Variants in TMCO4 observed in about 807,000 individuals in gnomAD.
TMCO4 encodes the protein transmembrane and coiled-coil domains 4, also known as transmembrane and coiled-coil domain-containing protein 4.
In TMCO4, 58 loss-of-function variants were observed where a neutral mutation model predicts 64.7. The observed-to-expected ratio is 0.90, with a 90% CI of 0.73 to 1.12. TMCO4 has a LOEUF of 1.12. TMCO4 is among the 50% of genes most tolerant of loss of function. The pLI, the probability that TMCO4 is intolerant of heterozygous loss-of-function variation, is 0.00. For missense variants in TMCO4, 780 were observed against 825.9 expected (o/e 0.94, Z 0.68); for synonymous variants, 325 against 346.1 (o/e 0.94, Z 0.68).
chr1:19,700,124 A>G (rs575292542), intron 14 of TMCO4, among the ~76,000 whole-genome samples: 1 of 152,148 alleles, frequency 6.6e-6, no homozygotes, highest in South Asian at 2.1e-4. Context: ...TCCTGCCCCA[A>G]AGTCTGAGTC....
chr1:19,705,264 A>C (rs892360954), intron 13 of TMCO4, among the ~76,000 whole-genome samples: 5 of 152,252 alleles, frequency 3.3e-5, no homozygotes, highest in Non-Finnish European at 4.4e-5. Flanking sequence ...CAGCCTGGCC[A>C]ACATGGCAAA....
At position 19,745,572 on chromosome 1, in the gene TMCO4, G is replaced by A. The variant is rs1557554593; in HGVS notation, c.837C>T (p.Ile279=). 6.2e-7 allele frequency: 1 copy of A among 1,614,158 alleles called. No homozygotes were observed. Among genetic ancestry groups the A allele is most frequent in the Admixed American group, 1.7e-5 (1 of 60,016 alleles). The change falls in exon 10 of 16, where the codon ATC becomes ATT. Residue 279 remains isoleucine (I), a synonymous_variant. Transcript: ENST00000294543. ...LPLTEGRQLH[I]TIAVTGWLAS... ...CGAGCCACCCCGTGACGGCGATGGT[G>A]ATGTGCAGCTGCCTGCCCTCCGTCA...
chr1:19,786,663 T>A (rs536906805), intron 3 of TMCO4, among the ~76,000 whole-genome samples: 1 of 152,368 alleles, frequency 6.6e-6, no homozygotes, highest in Admixed American at 6.5e-5. Flanking sequence ...GCAACGGCCA[T>A]GCGGGAGGCT....
intron 14 of TMCO4, among the ~76,000 whole-genome samples, chr1:19,695,376 G>A (rs568703272): frequency 1.4e-4 from 22 of 152,324 alleles, no homozygotes; most frequent in African/African-American, 4.8e-4. Flanking sequence ...ATGCAGCTGG[G>A]CCATCCCAGA....
At chr1:19,775,500 T>G (rs965011732) in intron 4 of TMCO4, among the ~76,000 whole-genome samples, 1 of 152,226 alleles carries the variant, frequency 6.6e-6, no homozygotes, top group Non-Finnish European at 1.5e-5. Flanking sequence ...CTTAGAAAAC[T>G]ACAGCTAACC....
intron 14 of TMCO4, among the ~76,000 whole-genome samples, chr1:19,699,828 A>G (rs1415018730): frequency 1.3e-5 from 2 of 152,222 alleles, no homozygotes; most frequent in Non-Finnish European, 2.9e-5. Flanking sequence ...ACATGTACAC[A>G]TGGACAATCA....
rs190569123 is a variant in TMCO4 at position 19,712,209 on chromosome 1, G to A, written c.1265-11324C>T. The stretch of plus-strand genomic sequence containing the variant: ...GGGAACAGCCAGCTGGTGGAGCATC[G>A]GAACACACACAACATTTACTAAGTT... On this transcript the variant is annotated intron_variant, in intron 13 of 15. Transcript: ENST00000294543. 4.3e-4 allele frequency among the ~76,000 whole-genome samples: 65 copies of A among 152,302 alleles called. No homozygotes were observed. The East Asian group carries it at 7.3e-3, about 17-fold the overall frequency.
chr1:19,702,395 T>A (rs1479750858), intron 13 of TMCO4, among the ~76,000 whole-genome samples: 1 of 149,708 alleles, frequency 6.7e-6, no homozygotes, highest in East Asian at 2.1e-4. Context: ...ATTTAGAGAC[T>A]AGCCTTGCCA....
intron 6 of TMCO4, among the ~76,000 whole-genome samples, chr1:19,767,632 G>C (rs1388031360): frequency 6.6e-6 from 1 of 152,136 alleles, no homozygotes; most frequent in Non-Finnish European, 1.5e-5. Flanking sequence ...GTTAGATTCC[G>C]GGGCCAAGGC....
At chr1:19,762,585 C>T (rs1005044782) in intron 6 of TMCO4, among the ~76,000 whole-genome samples, 14 of 152,214 alleles carry the variant, frequency 9.2e-5, no homozygotes, top group Admixed American at 2.6e-4. Context: ...GAAGCAGCTG[C>T]GTTTCGTACT....
chr1:19,694,142 C>T (rs920466974), intron 15 of TMCO4, among the ~76,000 whole-genome samples: 3 of 152,182 alleles, frequency 2.0e-5, no homozygotes, highest in African/African-American at 7.2e-5. Flanking sequence ...GCTGGGACTA[C>T]AGGCACGCAC....
At chr1:19,761,056 T>G (rs2042481062) in intron 6 of TMCO4, among the ~76,000 whole-genome samples, 1 of 152,244 alleles carries the variant, frequency 6.6e-6, no homozygotes, top group South Asian at 2.1e-4. Flanking sequence ...CGTATTGGCT[T>G]ATTGAATCCT....
At chr1:19,721,788 CAAACA>C (rs745424127) in intron 13 of TMCO4, among the ~76,000 whole-genome samples, 136 of 151,726 alleles carry the variant, frequency 9.0e-4, no homozygotes, top group East Asian at 7.2e-3. Context: ...GACCCTGTCT[CAAACA>C]AAACAAAACA....
chr1:19,705,287 C>A (rs560894302), intron 13 of TMCO4, among the ~76,000 whole-genome samples: 6 of 152,094 alleles, frequency 3.9e-5, no homozygotes, highest in Non-Finnish European at 8.8e-5. Flanking sequence ...CCTGTCTCTA[C>A]TAAAAATACA....
At chr1:19,687,092 C>G (rs1249371447) in intron 15 of TMCO4, among the ~76,000 whole-genome samples, 2 of 152,068 alleles carry the variant, frequency 1.3e-5, no homozygotes, top group Admixed American at 6.6e-5. Flanking sequence ...GCTGGGATTA[C>G]AGATGTGCAC....
chr1:19,694,531 A>G lies in TMCO4; in HGVS notation c.1403T>C (p.Phe468Ser). The G allele has an allele frequency of 6.2e-7, 1 of 1,608,936 alleles. No homozygotes were observed. Among genetic ancestry groups the G allele is most frequent in the Non-Finnish European group, 8.5e-7 (1 of 1,175,590 alleles). The change falls in exon 15 of 16, where the codon TTC becomes TCC. Residue 468 changes from phenylalanine (F) to serine (S), a missense_variant. By Grantham distance (155) the Phe-to-Ser change is radical (BLOSUM62 -2). Transcript: ENST00000294543. ...GYCRGDWLLS[F>S]VYRTSSVQLR... ...CTGCACCGAGGATGTGCGGTACACG[A>G]AACTCAGCAGCCAGTCTCCCCTGTG...
Position 19,682,528 on chromosome 1 carries a change from T to G in TMCO4, c.*512A>C. On this transcript the variant is annotated 3_prime_UTR_variant, in exon 16 of 16. Transcript: ENST00000294543. ...CTCCTAAGAGCAGGAGTGAGCTGCC[T>G]TCTTTGTACCTGCGCCTGCTCTGTT... is the stretch of plus-strand genomic sequence containing the variant. 2 of 701,242 alleles carry G rather than the reference T, an allele frequency of 2.9e-6. No homozygotes were observed. The allele number at this position is 701,242 out of a possible 1,614,324, so 43.4% of individuals were successfully genotyped here.
chr1:19,776,250 C>G (rs1487079869), intron 4 of TMCO4, among the ~76,000 whole-genome samples: 11 of 152,142 alleles, frequency 7.2e-5, no homozygotes, highest in Non-Finnish European at 2.9e-5. Flanking sequence ...CATCAGAAAA[C>G]AGAGCAACCA....
At position 19,745,451 on chromosome 1, in the gene TMCO4, T is replaced by G. The variant is rs369164373; in HGVS notation, c.877+81A>C. On this transcript the variant is annotated intron_variant, in intron 10 of 15. Coordinates refer to ENST00000294543, the MANE Select transcript of TMCO4 (RefSeq NM_181719.7). ...GGGGCTCCCTATACCTGCTCCCTAG[T>G]GCAGGTAAAAACCTAGCCCAGGGTC... 4 of 1,594,986 alleles carry G rather than the reference T, an allele frequency of 2.5e-6. No individual in the cohort carries two copies. The Admixed American group carries it at 6.8e-5, about 27-fold the overall frequency.
Sources: allele counts gnomAD v4.1 joint callset (sites outside exome capture counted in the v4.1 genomes callset), GRCh38; gene constraint gnomAD v4.1.1; transcripts MANE v1.5; gene names NCBI Gene and HGNC (gene_info 2026-07-23, HGNC 2026-07-21).